Variants in EYS observed in about 807,000 individuals in gnomAD.
The protein encoded by EYS is EGF-like photoreceptor maintenance factor.
A neutral mutation model predicts 282.1 loss-of-function variants in EYS; 250 were observed. The observed-to-expected ratio is 0.89, with a 90% CI of 0.80 to 0.98. The LOEUF is 0.98. Ranked by LOEUF, EYS falls within the 50% of genes least tolerant of loss-of-function variation. EYS has a pLI of 0.00. For missense variants in EYS, 4,016 were observed against 3,709.0 expected (o/e 1.08, Z -2.15); for synonymous variants, 1,355 against 1,282.9 (o/e 1.06, Z -1.20).
chr6:63,753,785 T>G (rs1769406919), intron 41 of EYS, among the ~76,000 whole-genome samples: 1 of 152,212 alleles, frequency 6.6e-6, no homozygotes, highest in African/African-American at 2.4e-5. Flanking sequence ...CTCACTGGTA[T>G]TTTAATAATT....
chr6:64,000,701 T>C (rs994336597), intron 33 of EYS, among the ~76,000 whole-genome samples: 3 of 152,320 alleles, frequency 2.0e-5, no homozygotes, highest in Admixed American at 2.0e-4. Context: ...CTTACCCCTC[T>C]TAAAGGCGCA....
chr6:65,275,983 A>AAAACAAAACAAAC (rs1327199314), intron 12 of EYS, among the ~76,000 whole-genome samples: 29 of 151,644 alleles, frequency 1.9e-4, no homozygotes, highest in African/African-American at 7.1e-4. Flanking sequence ...TTCTAATAAA[A>AAAACAAAACAAAC]AAACAAAACA....
intron 2 of EYS, among the ~76,000 whole-genome samples, chr6:65,526,244 T>C (rs1767556936): frequency 6.6e-6 from 1 of 152,202 alleles, no homozygotes; most frequent in Admixed American, 6.5e-5. Context: ...CCCATTGACA[T>C]ATGATTTGGG....
At chr6:65,411,041 A>C (rs540811053) in intron 5 of EYS, among the ~76,000 whole-genome samples, 10 of 152,050 alleles carry the variant, frequency 6.6e-5, no homozygotes, top group Non-Finnish European at 1.5e-4. Flanking sequence ...GAAGATTGAT[A>C]ATTTTAAAAA....
chr6:65,065,432 G>C (rs1297298069), intron 12 of EYS, among the ~76,000 whole-genome samples: 1 of 151,092 alleles, frequency 6.6e-6, no homozygotes, highest in African/African-American at 2.4e-5. Flanking sequence ...TCCCAGGCTG[G>C]AGTGCAGTGG....
intron 22 of EYS, among the ~76,000 whole-genome samples, chr6:64,671,908 T>C (rs1272243735): frequency 6.6e-6 from 1 of 152,068 alleles, no homozygotes; most frequent in Non-Finnish European, 1.5e-5. Context: ...AAAACAATAA[T>C]TTATGATCAC....
chr6:63,786,184 C>A (rs1770354987), intron 39 of EYS: 2 of 135,230 alleles, frequency 1.5e-5, no homozygotes, highest in Non-Finnish European at 1.5e-5. Context: ...GTACTCCAGC[C>A]TTGATGACAC....
Position 63,779,765 on chromosome 6 carries a change from A to G in EYS, c.7724-1585T>C, listed in dbSNP as rs190349901. 5.6e-3 allele frequency among the ~76,000 whole-genome samples: 755 copies of G among 134,282 alleles called. 5 individuals carry two copies. The highest frequency in any genetic ancestry group is 0.021 in the African/African-American group (718 of 34,736). The allele number at this position is 134,282 out of a possible 152,430, so 88.1% of individuals were successfully genotyped here. A position where few individuals can be genotyped will look rare whatever the true frequency, so the allele number is the denominator to read the frequency against. On this transcript the variant is annotated intron_variant, in intron 39 of 42. Coordinates refer to ENST00000503581, the MANE Select transcript of EYS (RefSeq NM_001142800.2). Reference sequence around the variant, plus strand: ...TCTTTTTCTTTTTTTTGTCATTGTTATACTTTAAGTTCTAGGGTACATGTG... The same window carrying G: ...TCTTTTTCTTTTTTTTGTCATTGTTGTACTTTAAGTTCTAGGGTACATGTG...
At chr6:64,012,722 C>T (rs556866676) in intron 33 of EYS, among the ~76,000 whole-genome samples, 2 of 152,192 alleles carry the variant, frequency 1.3e-5, no homozygotes, top group Admixed American at 1.3e-4. Flanking sequence ...GCCCTATCAA[C>T]ACAGCCATAT....
chr6:64,518,766 C>T (rs559676603), intron 26 of EYS, among the ~76,000 whole-genome samples: 8 of 145,750 alleles, frequency 5.5e-5, no homozygotes, highest in African/African-American at 2.0e-4. Flanking sequence ...TGAGCTCTGA[C>T]GGGTTTATAA....
At chr6:65,666,336 G>T (rs569942971) in intron 1 of EYS, among the ~76,000 whole-genome samples, 1 of 151,610 alleles carries the variant, frequency 6.6e-6, no homozygotes, top group Non-Finnish European at 1.5e-5. Flanking sequence ...TTAAAAACAG[G>T]GACTTTGGAG....
At chr6:65,651,963 T>G (rs1275089813) in intron 1 of EYS, among the ~76,000 whole-genome samples, 1 of 152,022 alleles carries the variant, frequency 6.6e-6, no homozygotes, top group Non-Finnish European at 1.5e-5. Flanking sequence ...TATAAAAGAT[T>G]CTTTTTTTTT....
intron 33 of EYS, among the ~76,000 whole-genome samples, chr6:64,018,759 GTTTTT>G (rs1163533009): frequency 9.7e-3 from 520 of 53,494 alleles, no homozygotes; most frequent in African/African-American, 0.033. Flanking sequence ...CATCACAAGT[GTTTTT>G]TTTTTTTTTT....
chr6:65,432,452 G>A (rs187064919), intron 5 of EYS, among the ~76,000 whole-genome samples: 268 of 152,044 alleles, frequency 1.8e-3, no homozygotes, highest in African/African-American at 5.7e-3. Context: ...CGAGTATTAC[G>A]AAAAAAATGA....
chr6:65,298,384 T>C (rs1455353935), intron 11 of EYS, among the ~76,000 whole-genome samples: 1 of 152,002 alleles, frequency 6.6e-6, no homozygotes, highest in Non-Finnish European at 1.5e-5. Context: ...GAAGATTTAA[T>C]AGGAGAAAAT....
chr6:63,720,251 T>G lies in EYS; in HGVS notation c.*345A>C. On this transcript the variant is annotated 3_prime_UTR_variant, in exon 43 of 43. Transcript: ENST00000503581. ...AATTTTAAACATTTTAAAGTTCAGC[T>G]TACACATTGATTTTTAAAATTGTGT... 1 of 328,114 alleles carries G rather than the reference T, an allele frequency of 3.0e-6. No individual in the cohort carries two copies. The highest frequency in any genetic ancestry group is 4.4e-5 in the East Asian group (1 of 22,736). 20.3% of individuals were successfully genotyped at this position (328,114 alleles called of 1,614,324 possible).
Position 65,495,231 on chromosome 6 carries a change from C to T in EYS, c.180G>A (p.Leu60=). The T allele has an allele frequency of 6.2e-7, 1 of 1,614,084 alleles. No individual in the cohort carries two copies. Among genetic ancestry groups the T allele is most frequent in the Non-Finnish European group, 8.5e-7 (1 of 1,180,008 alleles). Residue 60 remains leucine (L), a synonymous_variant, in exon 4 of 43, where the codon TTG becomes TTA. Coordinates refer to ENST00000503581, the MANE Select transcript of EYS (RefSeq NM_001142800.2). ...AAGTATCTATTTTAGTGTTTACACC[C>T]AAAAACCAGCAATCTCTGTAGAAGT... ...CLDFYRDCWF[L]GVNTKIDTSG... is the part of the protein sequence containing the mutation.
At chr6:64,577,059 A>T (rs1271390908) in intron 26 of EYS, among the ~76,000 whole-genome samples, 1 of 152,140 alleles carries the variant, frequency 6.6e-6, no homozygotes, top group Non-Finnish European at 1.5e-5. Flanking sequence ...AAGTCAAGAA[A>T]CATCAAAGCT....
chr6:63,783,776 A>G (rs1770295225), intron 39 of EYS, among the ~76,000 whole-genome samples: 1 of 152,154 alleles, frequency 6.6e-6, no homozygotes, highest in Admixed American at 6.5e-5. Context: ...TGAGGCAGGG[A>G]AAATAAGACA....
Sources: gnomAD v4.1 joint callset for allele counts (sites outside exome capture counted in the v4.1 genomes callset) on GRCh38, gnomAD v4.1.1 for gene constraint, MANE v1.5 for transcripts, NCBI Gene and HGNC (gene_info 2026-07-23, HGNC 2026-07-21) for gene names.